Variants in NARS2 observed in about 807,000 individuals in gnomAD.
NARS2 encodes the protein asparaginyl-tRNA synthetase 2, mitochondrial.
A neutral mutation model predicts 62.9 loss-of-function variants in NARS2; 60 were observed. That is an observed-to-expected ratio of 0.95 (90% CI 0.77 to 1.18). The LOEUF (loss-of-function observed/expected upper bound fraction) is 1.18, where lower values mean the gene tolerates loss of function less well. Ranked by LOEUF, NARS2 falls within the 50% of genes most tolerant of loss-of-function variation. The pLI is 0.00. For missense variants in NARS2, 619 were observed against 576.4 expected, an observed-to-expected ratio of 1.07 and a Z score of -0.76; for synonymous variants, 196 against 200.0, an observed-to-expected ratio of 0.98 and a Z score of 0.17.
At chr11:78,507,092 T>C (rs1860530793) in intron 6 of NARS2, among the ~76,000 whole-genome samples, 1 of 152,076 alleles carries the variant, frequency 6.6e-6, no homozygotes, top group African/African-American at 2.4e-5. Flanking sequence ...AGATTGCTGA[T>C]TGTGGTTTCT....
At chr11:78,485,993 G>A (rs1204262703) in intron 7 of NARS2, among the ~76,000 whole-genome samples, 1 of 152,114 alleles carries the variant, frequency 6.6e-6, no homozygotes, top group Non-Finnish European at 1.5e-5. Flanking sequence ...TCATGCCTCA[G>A]CCTCCCAAGT....
At chr11:78,520,377 A>G (rs1308218039) in intron 6 of NARS2, among the ~76,000 whole-genome samples, 1 of 152,126 alleles carries the variant, frequency 6.6e-6, no homozygotes, top group African/African-American at 2.4e-5. Flanking sequence ...TGTCTCCTAC[A>G]TCTCTATATC....
At chr11:78,560,412 TC>T (rs1856519345) in intron 4 of NARS2, among the ~76,000 whole-genome samples, 1 of 152,240 alleles carries the variant, frequency 6.6e-6, no homozygotes, top group Admixed American at 6.5e-5. Flanking sequence ...TATGCTTCTT[TC>T]ATTTTGACTA....
chr11:78,498,755 C>A (rs1046916585), intron 6 of NARS2, among the ~76,000 whole-genome samples: 1 of 151,564 alleles, frequency 6.6e-6, no homozygotes, highest in Non-Finnish European at 1.5e-5. Flanking sequence ...GTTCACAGCA[C>A]CTTTCAAAAT....
chr11:78,443,096 C>T (rs1378230261), intron 12 of NARS2, among the ~76,000 whole-genome samples: 10 of 151,902 alleles, frequency 6.6e-5, no homozygotes, highest in African/African-American at 1.9e-4. Context: ...GAGGCTGAGG[C>T]GGGCAGATCA....
At chr11:78,474,410 T>C (rs1591171344) in intron 9 of NARS2, among the ~76,000 whole-genome samples, 1 of 152,324 alleles carries the variant, frequency 6.6e-6, no homozygotes, top group Non-Finnish European at 1.5e-5. Context: ...ACTAGCAAAG[T>C]GCCTAACTCA....
intron 5 of NARS2, among the ~76,000 whole-genome samples, chr11:78,529,915 G>C (rs1861418952): frequency 6.6e-6 from 1 of 152,170 alleles, no homozygotes; most frequent in Non-Finnish European, 1.5e-5. Flanking sequence ...TTTAAAATAT[G>C]TAATGGAGAA....
At chr11:78,520,752 A>C (rs1462724835) in intron 6 of NARS2, among the ~76,000 whole-genome samples, 1 of 152,124 alleles carries the variant, frequency 6.6e-6, no homozygotes, top group East Asian at 1.9e-4. Flanking sequence ...ATGTTAAGTA[A>C]GAGTAAAATA....
At chr11:78,533,847 C>T (rs1209468147) in intron 5 of NARS2, among the ~76,000 whole-genome samples, 2 of 152,196 alleles carry the variant, frequency 1.3e-5, no homozygotes, top group Non-Finnish European at 2.9e-5. Context: ...GATCTTTTTA[C>T]TTTCTCCATA....
intron 6 of NARS2, among the ~76,000 whole-genome samples, chr11:78,497,646 C>T (rs903933089): frequency 6.6e-6 from 1 of 152,142 alleles, no homozygotes; most frequent in African/African-American, 2.4e-5. Flanking sequence ...TATTTTACTA[C>T]TGTTTTGTGT....
At chr11:78,521,944 T>C (rs1300957950) in intron 6 of NARS2, among the ~76,000 whole-genome samples, 2 of 151,968 alleles carry the variant, frequency 1.3e-5, no homozygotes, top group African/African-American at 2.4e-5. Flanking sequence ...ATTAGACAAA[T>C]CAGAACATGA....
intron 10 of NARS2, among the ~76,000 whole-genome samples, chr11:78,468,310 G>GGAAAAAAAAAAAA (rs1555015326): frequency 1.5e-5 from 1 of 67,436 alleles, no homozygotes; most frequent in African/African-American, 5.9e-5. Context: ...CACTAAATCT[G>GGAAAAAAAAAAAA]AAAAAAAAAA....
Position 78,465,891 on chromosome 11 carries a change from ATCTTC to A in NARS2, c.1144_1148del (p.Glu382TrpfsTer10). ...CTCTTCTTACCGTGTGCTGAGGGCC[ATCTTC>A]ATTATCCCTCATGTAGAAAGGCTTG... On this transcript the variant is annotated frameshift_variant, in exon 11 of 14. Coordinates refer to ENST00000281038, the MANE Select transcript of NARS2 (RefSeq NM_024678.6). LOFTEE classifies it high-confidence loss of function. 1 of 1,614,202 alleles carries A rather than the reference ATCTTC, an allele frequency of 6.2e-7. No homozygotes were observed. Among genetic ancestry groups the A allele is most frequent in the Non-Finnish European group, 8.5e-7 (1 of 1,180,034 alleles).
chr11:78,474,893 ATCG>A (rs1859022247), intron 9 of NARS2, among the ~76,000 whole-genome samples: 1 of 151,812 alleles, frequency 6.6e-6, no homozygotes, highest in Admixed American at 6.5e-5. Flanking sequence ...TAACATATCT[ATCG>A]TCTCACATGC....
chr11:78,520,601 T>C (rs1861079103), intron 6 of NARS2, among the ~76,000 whole-genome samples: 1 of 152,232 alleles, frequency 6.6e-6, no homozygotes, highest in Admixed American at 6.5e-5. Flanking sequence ...TATTAAATTT[T>C]AACAACAGAA....
At chr11:78,544,693 C>T (rs1590842028) in intron 5 of NARS2, among the ~76,000 whole-genome samples, 1 of 147,770 alleles carries the variant, frequency 6.8e-6, no homozygotes, top group African/African-American at 2.5e-5. Flanking sequence ...ACTCGGGAGG[C>T]TGAGGCAGGA....
intron 5 of NARS2, among the ~76,000 whole-genome samples, chr11:78,556,345 TA>T (rs982750651): frequency 8.0e-4 from 122 of 152,290 alleles, no homozygotes; most frequent in African/African-American, 2.6e-3. Context: ...AATGTATACA[TA>T]AAGCAATTCC....
intron 11 of NARS2, among the ~76,000 whole-genome samples, chr11:78,461,421 A>G (rs190060703): frequency 1.4e-3 from 213 of 152,078 alleles, no homozygotes; most frequent in African/African-American, 4.8e-3. Flanking sequence ...ATAAGAATAA[A>G]AAAGTCATTA....
intron 3 of NARS2, among the ~76,000 whole-genome samples, chr11:78,567,930 A>AT (rs1367770664): frequency 1.3e-5 from 2 of 152,160 alleles, no homozygotes; most frequent in East Asian, 3.8e-4. Context: ...GCTGGGCCTC[A>AT]TTTTCTCCAC....
Sources: gnomAD v4.1 joint callset for allele counts (sites outside exome capture counted in the v4.1 genomes callset) on GRCh38, gnomAD v4.1.1 for gene constraint, MANE v1.5 for transcripts, NCBI Gene and HGNC (gene_info 2026-07-23, HGNC 2026-07-21) for gene names.